CAB39: variants seen among roughly 807,000 people sequenced by gnomAD.
CAB39 encodes calcium-binding protein 39.
Under a neutral mutation model 40.0 loss-of-function variants are expected in CAB39, and 8 were observed. That is an observed-to-expected ratio of 0.20 (90% CI 0.12 to 0.36). The LOEUF is 0.36. Ranked by LOEUF, CAB39 falls within the 10% of genes least tolerant of loss-of-function variation. The pLI is 1.00. For missense variants in CAB39, 270 were observed against 401.1 expected (o/e 0.67, Z 2.79); for synonymous variants, 156 against 141.6 (o/e 1.10, Z -0.72).
intron 1 of CAB39, among the ~76,000 whole-genome samples, chr2:230,739,358 A>G (rs762419656): frequency 6.6e-6 from 1 of 152,238 alleles, no homozygotes; most frequent in Non-Finnish European, 1.5e-5. Context: ...TTGTTAGGGT[A>G]TCTGTGAATA....
intron 5 of CAB39, among the ~76,000 whole-genome samples, chr2:230,804,713 G>A (rs1696158737): frequency 6.6e-6 from 1 of 152,182 alleles, no homozygotes; most frequent in Non-Finnish European, 1.5e-5. Flanking sequence ...TCTCACACCA[G>A]TTAGAATGGC....
intron 1 of CAB39, among the ~76,000 whole-genome samples, chr2:230,754,774 C>T (rs1695160494): frequency 6.6e-6 from 1 of 152,210 alleles, no homozygotes; most frequent in Non-Finnish European, 1.5e-5. Flanking sequence ...CTGCCTTGGC[C>T]TCCCAAAATG....
chr2:230,764,388 C>T (rs914810958), intron 2 of CAB39, among the ~76,000 whole-genome samples: 13 of 152,160 alleles, frequency 8.5e-5, no homozygotes, highest in Admixed American at 6.5e-4. Context: ...CCATGCTAAG[C>T]TGTGATGTTC....
At chr2:230,796,291 T>C (rs1695985438) in intron 4 of CAB39, among the ~76,000 whole-genome samples, 1 of 152,250 alleles carries the variant, frequency 6.6e-6, no homozygotes. Context: ...GCCATGCTGC[T>C]AATACTAGCA....
In CAB39 at chr2:230,790,996, T is replaced by C; in HGVS notation, c.239T>C (p.Leu80Pro). ...LAQELYNSGL[L>P]STLVADLQLI... is the part of the protein sequence containing the mutation. ...CAAGAACTCTATAATAGTGGGCTCC[T>C]TAGCACCCTGGTAGCTGATTTACAG... Residue 80 changes from leucine (L) to proline (P), a missense_variant, in exon 3 of 9, where the codon CTT becomes CCT. Physicochemically the swap from Leu to Pro is moderately conservative, Grantham distance 98. Transcript: ENST00000258418. The C allele has an allele frequency of 6.2e-7, 1 of 1,604,988 alleles. No homozygotes were observed. Among genetic ancestry groups the C allele is most frequent in the Non-Finnish European group, 8.5e-7 (1 of 1,177,506 alleles).
intron 5 of CAB39, among the ~76,000 whole-genome samples, chr2:230,809,389 G>A (rs1696264930): frequency 6.6e-6 from 1 of 152,176 alleles, no homozygotes; most frequent in African/African-American, 2.4e-5. Flanking sequence ...GCGATGATTG[G>A]CGCTATCTTC....
chr2:230,774,728 A>G (rs1695555674), intron 2 of CAB39, among the ~76,000 whole-genome samples: 1 of 152,214 alleles, frequency 6.6e-6, no homozygotes, highest in Non-Finnish European at 1.5e-5. Flanking sequence ...TAGCCTCTTC[A>G]TAGCATGGCC....
Position 230,790,988 on chromosome 2 carries a change from T to G in CAB39, c.231T>G (p.Ser77Arg). The change falls in exon 3 of 9, where the codon AGT becomes AGG. Residue 77 changes from serine to arginine, a missense_variant. Physicochemically the swap from Ser to Arg is moderately radical, Grantham distance 110. Transcript: ENST00000258418. The part of the protein sequence containing the change: ...VAQLAQELYN[S>R]GLLSTLVADL... ...AACTTGCTCAAGAACTCTATAATAG[T>G]GGGCTCCTTAGCACCCTGGTAGCTG... 1 of 1,611,158 alleles carries G rather than the reference T, an allele frequency of 6.2e-7. No individual in the cohort carries two copies. The highest frequency in any genetic ancestry group is 8.5e-7 in the Non-Finnish European group (1 of 1,178,698).
intron 1 of CAB39, among the ~76,000 whole-genome samples, chr2:230,748,100 T>C (rs1695007021): frequency 6.6e-6 from 1 of 152,136 alleles, no homozygotes; most frequent in South Asian, 2.1e-4. Context: ...TATTTAAGTC[T>C]CTGCTGTCTT....
chr2:230,738,142 A>G (rs1248942486), intron 1 of CAB39, among the ~76,000 whole-genome samples: 1 of 152,224 alleles, frequency 6.6e-6, no homozygotes, highest in Admixed American at 6.5e-5. Flanking sequence ...GTCTCCGCTG[A>G]AGTCTGGGAC....
chr2:230,766,420 C>G (rs930639616), intron 2 of CAB39, among the ~76,000 whole-genome samples: 13 of 152,204 alleles, frequency 8.5e-5, no homozygotes, highest in Admixed American at 3.9e-4. Context: ...ACAACCAGAT[C>G]TCGCATGAAC....
chr2:230,782,451 A>G (rs184090485), intron 2 of CAB39, among the ~76,000 whole-genome samples: 2 of 152,316 alleles, frequency 1.3e-5, no homozygotes, highest in African/African-American at 4.8e-5. Context: ...ATTTTGATCT[A>G]TATAATTTAC....
At chr2:230,772,679 G>A (rs1695503672) in intron 2 of CAB39, among the ~76,000 whole-genome samples, 1 of 151,856 alleles carries the variant, frequency 6.6e-6, no homozygotes, top group South Asian at 2.1e-4. Context: ...TAGAGACGGG[G>A]TTTCACCGTG....
Position 230,773,407 on chromosome 2 carries a change from G to GA in CAB39, c.114+13294dup, listed in dbSNP as rs530299441. 1.5e-3 allele frequency among the ~76,000 whole-genome samples: 219 copies of GA among 151,000 alleles called. 1 individual carries two copies. Among genetic ancestry groups the GA allele is most frequent in the African/African-American group, 5.2e-3 (212 of 41,016 alleles). ...TGTATGTCATTTATAACTCAGTAGT[G>GA]AATAAAAAAAGACTGTTTATGTACC... On this transcript the variant is annotated intron_variant, in intron 2 of 8. Transcript: ENST00000258418.
rs570480941 is a variant in CAB39 at position 230,724,138 on chromosome 2, T to C, written c.-44+10908T>C. ...GACGCACACCTGTAATCCTAGCTAC[T>C]TGGGAGGCTGAGGCATAAGAATTGC... On this transcript the variant is annotated intron_variant, in intron 1 of 8. Transcript: ENST00000258418. 5.3e-5 allele frequency among the ~76,000 whole-genome samples: 8 copies of C among 151,978 alleles called. No individual in the cohort carries two copies. In the East Asian group the frequency reaches 1.4e-3, roughly 26 times the overall value.
At chr2:230,735,931 A>G (rs1694781323) in intron 1 of CAB39, among the ~76,000 whole-genome samples, 1 of 152,214 alleles carries the variant, frequency 6.6e-6, no homozygotes. Flanking sequence ...ATTCATCTTT[A>G]CTTACCAGAA....
intron 7 of CAB39, among the ~76,000 whole-genome samples, chr2:230,814,779 T>C (rs1696371585): frequency 6.6e-6 from 1 of 152,172 alleles, no homozygotes. Context: ...ATATTTACTG[T>C]TTGGCCCTTG....
intron 1 of CAB39, among the ~76,000 whole-genome samples, chr2:230,715,601 A>G (rs1378024217): frequency 6.6e-6 from 1 of 152,202 alleles, no homozygotes; most frequent in Non-Finnish European, 1.5e-5. Context: ...TAGGTTAACT[A>G]TTTTTTGAAC....
intron 2 of CAB39, among the ~76,000 whole-genome samples, chr2:230,765,617 C>G (rs942509160): frequency 1.3e-5 from 2 of 152,118 alleles, no homozygotes; most frequent in African/African-American, 4.8e-5. Context: ...AGTTTAGTCT[C>G]TGATGCAATC....
Sources: gnomAD v4.1 joint callset for allele counts (sites outside exome capture counted in the v4.1 genomes callset) on GRCh38, gnomAD v4.1.1 for gene constraint, MANE v1.5 for transcripts, NCBI Gene and HGNC (gene_info 2026-07-23, HGNC 2026-07-21) for gene names.